The following ATP6V1G2 variants were observed in gnomAD, a reference collection of about 807,000 sequenced individuals.
ATP6V1G2 encodes the protein V-type proton ATPase subunit G 2.
ATP6V1G2 carries 14 observed loss-of-function variants against 17.8 expected under a neutral mutation model. The observed-to-expected ratio is 0.79, with a 90% CI of 0.52 to 1.23. The LOEUF (loss-of-function observed/expected upper bound fraction) is 1.23. Among genes scored for constraint, ATP6V1G2 ranks in the 50% most tolerant of loss-of-function variants. ATP6V1G2 has a pLI of 0.00. For missense variants in ATP6V1G2, 112 were observed against 152.2 expected, an observed-to-expected ratio of 0.74 and a Z score of 1.39; for synonymous variants, 57 against 54.8, an observed-to-expected ratio of 1.04 and a Z score of -0.17.
At chr6:31,546,653 C>T, upstream of ATP6V1G2, 2 of 1,169,854 alleles carry the variant, frequency 1.7e-6, no homozygotes, top group Non-Finnish European at 1.3e-6. This position sits in a 1 kb window ranked among gnomAD's most constrained non-coding sequence, Gnocchi z 4.1. Flanking sequence ...CAGCTCGTTG[C>T]TGCAGTCCTC....
At position 31,546,239 on chromosome 6, in the gene ATP6V1G2, G is replaced by GTC; in HGVS notation, c.83-31_83-30insGA. ...AGGCAGAAGAAAGGACAGTGAGTGGGGATGGACCCACACACACACAATGTA... is the reference window on the plus strand; with the variant it reads ...AGGCAGAAGAAAGGACAGTGAGTGGGTCGATGGACCCACACACACACAATGTA... On this transcript the variant is annotated intron_variant, in intron 1 of 2. Transcript: ENST00000303892. The surrounding 1 kb of genome is among the most constrained non-coding windows in gnomAD (Gnocchi z 4.1). 1 of 1,592,236 alleles carries GTC rather than the reference G, an allele frequency of 6.3e-7. No individual in the cohort carries two copies. The highest frequency in any genetic ancestry group is 8.6e-7 in the Non-Finnish European group (1 of 1,161,276).
In ATP6V1G2 at chr6:31,544,775, A is replaced by AC. The variant is rs1289535724; in HGVS notation, c.*632dup. The AC allele has an allele frequency of 2.2e-6, 1 of 456,512 alleles. No homozygotes were observed. The highest frequency in any genetic ancestry group is 4.4e-6 in the Non-Finnish European group (1 of 226,940). 28.3% of individuals were successfully genotyped at this position (456,512 alleles called of 1,614,324 possible). On this transcript the variant is annotated 3_prime_UTR_variant, in exon 3 of 3. Transcript: ENST00000303892. The stretch of plus-strand genomic sequence containing the variant: ...AGAAGGTCTCTGGGAAAAGAGAAGA[A>AC]CCAATTTTTCAGAAAATAACTAGGG...
At position 31,545,374 on chromosome 6, in the gene ATP6V1G2, G is replaced by T. The variant is rs146909286; in HGVS notation, c.*34C>A. ...GATTGGAGGATTTCTTTGAGGGAGG[G>T]AACTGGCAGAAGGAGTCAGGCCCTA... On this transcript the variant is annotated 3_prime_UTR_variant, in exon 3 of 3. Transcript: ENST00000303892. This position sits in a 1 kb window ranked among gnomAD's most constrained non-coding sequence, Gnocchi z 4.9. The T allele has an allele frequency of 1.2e-6, 2 of 1,600,232 alleles. No homozygotes were observed. The highest frequency in any genetic ancestry group is 1.7e-4 in the Middle Eastern group (1 of 6,004).
In ATP6V1G2 at chr6:31,545,649, TG is replaced by T. The variant is rs1338163515; in HGVS notation, c.184-69del. On this transcript the variant is annotated intron_variant, in intron 2 of 2. Coordinates refer to ENST00000303892, the MANE Select transcript of ATP6V1G2 (RefSeq NM_130463.4). The surrounding 1 kb of genome is among the most constrained non-coding windows in gnomAD (Gnocchi z 4.9). Reference sequence around the variant, plus strand: ...AGAAACAGACAAGGGTCCAGGCATATGAGGGGAAAGATCCTGAAACAAAGCC... The same window carrying T: ...AGAAACAGACAAGGGTCCAGGCATATAGGGGAAAGATCCTGAAACAAAGCC... 1.3e-6 allele frequency: 2 copies of T among 1,514,362 alleles called. No individual in the cohort carries two copies. Among genetic ancestry groups the T allele is most frequent in the African/African-American group, 2.8e-5 (2 of 72,278 alleles). The allele number at this position is 1,514,362 out of a possible 1,614,324, so 93.8% of individuals were successfully genotyped here. A position where few individuals can be genotyped will look rare whatever the true frequency, so the allele number is the denominator to read the frequency against.
chr6:31,546,512 C>T lies in ATP6V1G2; in HGVS notation c.48G>A (p.Lys16=), dbSNP rs200881944. The T allele has an allele frequency of 3.8e-5, 62 of 1,614,148 alleles. No homozygotes were observed. The East Asian group carries it at 1.2e-3, about 32-fold the overall frequency. Residue 16 remains lysine, a synonymous_variant, in exon 1 of 3, where the codon AAG becomes AAA. Transcript: ENST00000303892. The surrounding 1 kb of genome is among the most constrained non-coding windows in gnomAD (Gnocchi z 4.1). The stretch of plus-strand genomic sequence containing the variant: ...CATCTGCCACCTTCTCAGCTGCCCG[C>T]TTCTCAGCTTGCAGAAGCTGCTGGA... The part of the protein sequence containing the change: ...QGIQQLLQAE[K]RAAEKVADAR...
rs1254140600 is a variant in ATP6V1G2, at chr6:31,546,308, T to G, written c.83-99A>C. On this transcript the variant is annotated intron_variant, in intron 1 of 2. Transcript: ENST00000303892. The surrounding 1 kb of genome is among the most constrained non-coding windows in gnomAD (Gnocchi z 4.1). ...TTCCAGAAAGTTATACAGCCTTCTC[T>G]CAGCCAACCAGGTGCCAGATTCTAA... The G allele has an allele frequency of 5.2e-6, 7 of 1,337,178 alleles. No homozygotes were observed. The Admixed American group carries it at 1.3e-4, about 24-fold the overall frequency. The allele number at this position is 1,337,178 out of a possible 1,614,324, so 82.8% of individuals were successfully genotyped here.
At position 31,544,499 on chromosome 6, in the gene ATP6V1G2, A is replaced by T; in HGVS notation, c.*909T>A. ...TAATTATTTTATTGATACTTTTTTT[A>T]TTGTTACAATGGGAAAGTAAGGTGT... On this transcript the variant is annotated 3_prime_UTR_variant, in exon 3 of 3. Coordinates refer to ENST00000303892, the MANE Select transcript of ATP6V1G2 (RefSeq NM_130463.4). 4.4e-6 allele frequency: 1 copy of T among 227,650 alleles called. No individual in the cohort carries two copies. The allele number at this position is 227,650 out of a possible 1,614,324, so 14.1% of individuals were successfully genotyped here. A position where few individuals can be genotyped will look rare whatever the true frequency, so the allele number is the denominator to read the frequency against.
Position 31,545,128 on chromosome 6 carries a change from A to T in ATP6V1G2, c.*280T>A. On this transcript the variant is annotated 3_prime_UTR_variant, in exon 3 of 3. Transcript: ENST00000303892. This position sits in a 1 kb window ranked among gnomAD's most constrained non-coding sequence, Gnocchi z 4.9. ...ACATCGGCCAGACACTGAAGTCAGG[A>T]TGTTTTCCACATTCCTACTTCCCCA... 1.8e-6 allele frequency: 1 copy of T among 546,178 alleles called. No individual in the cohort carries two copies. The highest frequency in any genetic ancestry group is 3.2e-6 in the Non-Finnish European group (1 of 308,312). The allele number at this position is 546,178 out of a possible 1,614,324, so 33.8% of individuals were successfully genotyped here.
rs1338812936 is a variant in ATP6V1G2 at position 31,545,609 on chromosome 6, GAGAA to G, written c.184-32_184-29del. The stretch of plus-strand genomic sequence containing the variant: ...GGGGGGTAGGGAGAGGGGTGGAAGA[GAGAA>G]AGGGAAAAGCAGAAACAGACAAGGG... On this transcript the variant is annotated intron_variant, in intron 2 of 2. Transcript: ENST00000303892. The surrounding 1 kb of genome is among the most constrained non-coding windows in gnomAD (Gnocchi z 4.9). The G allele has an allele frequency of 3.7e-6, 6 of 1,607,696 alleles. No individual in the cohort carries two copies. Among genetic ancestry groups the G allele is most frequent in the South Asian group, 1.1e-5 (1 of 90,616 alleles).
rs1768811093 is a variant in ATP6V1G2 at position 31,544,619 on chromosome 6, T to C, written c.*789A>G. 1 of 438,154 alleles carries C rather than the reference T, an allele frequency of 2.3e-6. No individual in the cohort carries two copies. The highest frequency in any genetic ancestry group is 4.6e-6 in the Non-Finnish European group (1 of 219,374). 27.1% of individuals were successfully genotyped at this position (438,154 alleles called of 1,614,324 possible). On this transcript the variant is annotated 3_prime_UTR_variant, in exon 3 of 3. Transcript: ENST00000303892. The stretch of plus-strand genomic sequence containing the variant: ...AGCATCTGATAAGTCTTTGGGGAAA[T>C]AGGAAAGGAGGAAAATCTAATAAAG...
In ATP6V1G2 at chr6:31,546,310, A is replaced by T; in HGVS notation, c.83-101T>A. On this transcript the variant is annotated intron_variant, in intron 1 of 2. Transcript: ENST00000303892. The surrounding 1 kb of genome is among the most constrained non-coding windows in gnomAD (Gnocchi z 4.1). ...CCAGAAAGTTATACAGCCTTCTCTC[A>T]GCCAACCAGGTGCCAGATTCTAATA... is the stretch of plus-strand genomic sequence containing the variant. 7.5e-7 allele frequency: 1 copy of T among 1,329,534 alleles called. No homozygotes were observed. The highest frequency in any genetic ancestry group is 1.1e-6 in the Non-Finnish European group (1 of 934,566). 82.4% of individuals were successfully genotyped at this position (1,329,534 alleles called of 1,614,324 possible).
At position 31,546,137 on chromosome 6, in the gene ATP6V1G2, T is replaced by C. The variant is rs759973514; in HGVS notation, c.155A>G (p.Glu52Gly). Residue 52 changes from glutamate to glycine, a missense_variant, in exon 2 of 3, where the codon GAG becomes GGG. Coordinates refer to ENST00000303892, the MANE Select transcript of ATP6V1G2 (RefSeq NM_130463.4). This position sits in a 1 kb window ranked among gnomAD's most constrained non-coding sequence, Gnocchi z 4.1. ...MEVEQYRRER[E>G]HEFQSKQQAA... ...CTGCTGCTTGCTCTGGAATTCGTGC[T>C]CTCGCTCTCTGCGGTATTGCTCCAC... 6.2e-6 allele frequency: 10 copies of C among 1,613,902 alleles called. No homozygotes were observed. Among genetic ancestry groups the C allele is most frequent in the South Asian group, 4.4e-5 (4 of 91,076 alleles).
Position 31,544,614 on chromosome 6 carries a change from G to A in ATP6V1G2, c.*794C>T. ...CAATGAGCATCTGATAAGTCTTTGGGGAAATAGGAAAGGAGGAAAATCTAA... is the reference window on the plus strand; with the variant it reads ...CAATGAGCATCTGATAAGTCTTTGGAGAAATAGGAAAGGAGGAAAATCTAA... On this transcript the variant is annotated 3_prime_UTR_variant, in exon 3 of 3. Transcript: ENST00000303892. The A allele has an allele frequency of 2.3e-6, 1 of 438,012 alleles. No individual in the cohort carries two copies. 27.1% of individuals were successfully genotyped at this position (438,012 alleles called of 1,614,324 possible). A position where few individuals can be genotyped will look rare whatever the true frequency, so the allele number is the denominator to read the frequency against.
rs749515520 is a variant in ATP6V1G2, at chr6:31,546,312, C to A, written c.83-103G>T. On this transcript the variant is annotated intron_variant, in intron 1 of 2. Transcript: ENST00000303892. This position sits in a 1 kb window ranked among gnomAD's most constrained non-coding sequence, Gnocchi z 4.1. ...AGAAAGTTATACAGCCTTCTCTCAG[C>A]CAACCAGGTGCCAGATTCTAATATC... 2.3e-6 allele frequency: 3 copies of A among 1,313,784 alleles called. No homozygotes were observed. Among genetic ancestry groups the A allele is most frequent in the Non-Finnish European group, 3.3e-6 (3 of 921,296 alleles). 81.4% of individuals were successfully genotyped at this position (1,313,784 alleles called of 1,614,324 possible).
chr6:31,545,822 T>C lies in ATP6V1G2; in HGVS notation c.184-241A>G. On this transcript the variant is annotated intron_variant, in intron 2 of 2. Coordinates refer to ENST00000303892, the MANE Select transcript of ATP6V1G2 (RefSeq NM_130463.4). This position sits in a 1 kb window ranked among gnomAD's most constrained non-coding sequence, Gnocchi z 4.9. ...AATATCCCCACCACCTCACCATCCA[T>C]GACCATAAAACTCTACCCTCCACCA... The C allele has an allele frequency of 1.6e-6, 1 of 615,420 alleles. No homozygotes were observed. Among genetic ancestry groups the C allele is most frequent in the Non-Finnish European group, 2.9e-6 (1 of 350,194 alleles). The allele number at this position is 615,420 out of a possible 1,614,324, so 38.1% of individuals were successfully genotyped here.
At position 31,546,519 on chromosome 6, in the gene ATP6V1G2, G is replaced by A; in HGVS notation, c.41C>T (p.Ala14Val). The A allele has an allele frequency of 6.2e-7, 1 of 1,614,076 alleles. No homozygotes were observed. The highest frequency in any genetic ancestry group is 8.5e-7 in the Non-Finnish European group (1 of 1,180,032). The change falls in exon 1 of 3, where the codon GCT (alanine) becomes GTT (valine). Residue 14 changes from alanine (A) to valine (V), a missense_variant. Coordinates refer to ENST00000303892, the MANE Select transcript of ATP6V1G2 (RefSeq NM_130463.4). This position sits in a 1 kb window ranked among gnomAD's most constrained non-coding sequence, Gnocchi z 4.1. ...CACCTTCTCAGCTGCCCGCTTCTCA[G>A]CTTGCAGAAGCTGCTGGATACCTTG... ...QSQGIQQLLQ[A>V]EKRAAEKVAD...
Position 31,545,507 on chromosome 6 carries a change from G to A in ATP6V1G2, c.258C>T (p.Ser86=). The A allele has an allele frequency of 6.2e-7, 1 of 1,614,074 alleles. No homozygotes were observed. Among genetic ancestry groups the A allele is most frequent in the Non-Finnish European group, 8.5e-7 (1 of 1,180,014 alleles). Reference sequence around the variant, plus strand: ...CACGCTCTCGGTTTCTCTGCTGGGAGCTCTGCATGCCCTGCACCTGGCGCC... The same window carrying A: ...CACGCTCTCGGTTTCTCTGCTGGGAACTCTGCATGCCCTGCACCTGGCGCC... The part of the protein sequence containing the change: ...ATRRQVQGMQ[S]SQQRNRERVL... The change falls in exon 3 of 3, where the codon AGC becomes AGT. Residue 86 remains serine, a synonymous_variant. Coordinates refer to ENST00000303892, the MANE Select transcript of ATP6V1G2 (RefSeq NM_130463.4). The surrounding 1 kb of genome is among the most constrained non-coding windows in gnomAD (Gnocchi z 4.9).
Position 31,545,515 on chromosome 6 carries a change from T to C in ATP6V1G2, c.250A>G (p.Met84Val). The C allele has an allele frequency of 6.2e-7, 1 of 1,614,062 alleles. No individual in the cohort carries two copies. The highest frequency in any genetic ancestry group is 8.5e-7 in the Non-Finnish European group (1 of 1,180,002). Residue 84 changes from methionine to valine, a missense_variant, in exon 3 of 3, where the codon ATG becomes GTG. Transcript: ENST00000303892. This position sits in a 1 kb window ranked among gnomAD's most constrained non-coding sequence, Gnocchi z 4.9. Reference protein sequence around the residue: ...EQATRRQVQGMQSSQQRNRER... With the variant: ...EQATRRQVQGVQSSQQRNRER... ...CGGTTTCTCTGCTGGGAGCTCTGCA[T>C]GCCCTGCACCTGGCGCCTTGTAGCC...
chr6:31,545,897 G>A lies in ATP6V1G2; in HGVS notation c.183+212C>T. On this transcript the variant is annotated intron_variant, in intron 2 of 2. Coordinates refer to ENST00000303892, the MANE Select transcript of ATP6V1G2 (RefSeq NM_130463.4). The surrounding 1 kb of genome is among the most constrained non-coding windows in gnomAD (Gnocchi z 4.9). ...GATGTTATACTTTACACAGACTGTG[G>A]CATTCCGCCCACAAGCTCTATGTGG... The A allele has an allele frequency of 1.6e-6, 1 of 620,180 alleles. No individual in the cohort carries two copies. Among genetic ancestry groups the A allele is most frequent in the Non-Finnish European group, 2.9e-6 (1 of 349,676 alleles). The allele number at this position is 620,180 out of a possible 1,614,324, so 38.4% of individuals were successfully genotyped here.
Sources: allele counts gnomAD v4.1 joint callset, GRCh38; gene constraint gnomAD v4.1.1; non-coding constraint Gnocchi (gnomAD v3.1); transcripts MANE v1.5; gene names NCBI Gene and HGNC (gene_info 2026-07-23, HGNC 2026-07-21).